Variants in CD99L2 observed in about 807,000 individuals in gnomAD.
The protein encoded by CD99L2 is CD99 antigen-like protein 2.
In CD99L2, 24 loss-of-function variants were observed where a neutral mutation model predicts 27.3. The ratio of observed to expected loss-of-function variants is 0.88; its 90% CI spans 0.64 to 1.24. CD99L2 has a LOEUF of 1.24. Ranked by LOEUF, CD99L2 falls within the 50% of genes most tolerant of loss-of-function variation. The pLI, the probability that CD99L2 is intolerant of heterozygous loss-of-function variation, is 0.00. For missense variants in CD99L2, 255 were observed against 221.6 expected, an observed-to-expected ratio of 1.15 and a Z score of -0.96; for synonymous variants, 97 against 87.9, an observed-to-expected ratio of 1.10 and a Z score of -0.58.
chrX:150,871,344 T>C, intron 1 of CD99L2, among the ~76,000 whole-genome samples: 1 of 111,136 alleles, frequency 9.0e-6, no homozygotes, highest in Non-Finnish European at 1.9e-5. Context: ...CCCTGGAAAA[T>C]ATCAGAAAAG....
At chrX:150,773,567 T>G (rs1272614747) in intron 9 of CD99L2, among the ~76,000 whole-genome samples, 2 of 112,464 alleles carry the variant, frequency 1.8e-5, no homozygotes, top group Non-Finnish European at 3.8e-5. Context: ...TAGTGAAGAA[T>G]GCCCCGCCCC....
intron 1 of CD99L2, among the ~76,000 whole-genome samples, chrX:150,834,317 C>A (rs1170997846): frequency 9.0e-6 from 1 of 111,371 alleles, no homozygotes; most frequent in Non-Finnish European, 1.9e-5. Flanking sequence ...CATGGTGAAA[C>A]CCCGTCTCTA....
intron 1 of CD99L2, among the ~76,000 whole-genome samples, chrX:150,892,061 A>G (rs1603326095): frequency 9.2e-6 from 1 of 109,286 alleles, no homozygotes; most frequent in East Asian, 2.9e-4. Context: ...CTCTACTAAA[A>G]ATACAAAAAA....
At chrX:150,834,258 C>G (rs1219479788) in intron 1 of CD99L2, among the ~76,000 whole-genome samples, 1 of 111,670 alleles carries the variant, frequency 9.0e-6, no homozygotes, top group Non-Finnish European at 1.9e-5. Flanking sequence ...CTTTGGGAGG[C>G]CAAGGCAGGC....
chrX:150,847,068 G>A (rs182696718), intron 1 of CD99L2, among the ~76,000 whole-genome samples: 1 of 112,278 alleles, frequency 8.9e-6, no homozygotes, highest in Non-Finnish European at 1.9e-5. Context: ...AAGGCGCTGA[G>A]CACGAGGCAC....
At position 150,809,663 on chromosome X, in the gene CD99L2, C is replaced by T. The variant is rs112098371; in HGVS notation, c.277+5199G>A. Among the ~76,000 whole-genome samples, 312 of 111,374 alleles carry T rather than the reference C, an allele frequency of 2.8e-3. 2 individuals carry two copies. Among genetic ancestry groups the T allele is most frequent in the African/African-American group, 9.7e-3 (297 of 30,672 alleles). ...ACAAAATGGTGAATGGACAAAAGAT[C>T]CATTCATAAGATAAAATAGTCCAAT... is the stretch of plus-strand genomic sequence containing the variant. On this transcript the variant is annotated intron_variant, in intron 4 of 10. Transcript: ENST00000370377.
At position 150,793,691 on chromosome X, in the gene CD99L2, C is replaced by T; in HGVS notation, c.496G>A (p.Gly166Ser). 1 of 1,193,144 alleles carries T rather than the reference C, an allele frequency of 8.4e-7. No individual in the cohort carries two copies. The highest frequency in any genetic ancestry group is 1.1e-6 in the Non-Finnish European group (1 of 886,588). ...TGTTGGCACAAATCAATGCTCCTAC[C>T]TTTACCCTTGTCAGGTTTGTATTCT... is the stretch of plus-strand genomic sequence containing the variant. ...GGEYKPDKGK[G>S]DGRYGSNDDP... The change falls in exon 7 of 11, where the codon GGT becomes AGT. Residue 166 changes from glycine to serine, a missense_variant and splice_region_variant. Physicochemically the swap from Gly to Ser is moderately conservative, Grantham distance 56. Coordinates refer to ENST00000370377, the MANE Select transcript of CD99L2 (RefSeq NM_031462.4).
intron 4 of CD99L2, among the ~76,000 whole-genome samples, chrX:150,808,712 T>G (rs2046031401): frequency 8.9e-6 from 1 of 111,937 alleles, no homozygotes; most frequent in Non-Finnish European, 1.9e-5. Context: ...TCTGAATTAC[T>G]CAAAAGGGAG....
chrX:150,890,526 A>C (rs1216111092), intron 1 of CD99L2, among the ~76,000 whole-genome samples: 5 of 112,103 alleles, frequency 4.5e-5, no homozygotes, highest in African/African-American at 1.6e-4. Flanking sequence ...GCTTTCAAAA[A>C]ACAAACCAAC....
intron 1 of CD99L2, among the ~76,000 whole-genome samples, chrX:150,832,821 G>A (rs372419062): frequency 4.4e-4 from 49 of 111,145 alleles, no homozygotes; most frequent in African/African-American, 1.3e-3. Flanking sequence ...AGGCCGAGGC[G>A]GGCAGATCAC....
chrX:150,881,748 C>T (rs1282300132), intron 1 of CD99L2, among the ~76,000 whole-genome samples: 1 of 111,616 alleles, frequency 9.0e-6, no homozygotes, highest in African/African-American at 3.3e-5. Flanking sequence ...AAGCCAGGCC[C>T]TTGGGGTACC....
intron 1 of CD99L2, among the ~76,000 whole-genome samples, chrX:150,831,999 C>T (rs1557421079): frequency 1.8e-5 from 2 of 111,955 alleles, no homozygotes; most frequent in Admixed American, 9.5e-5. Flanking sequence ...ATCATCTAGA[C>T]AGAAAATCAA....
At chrX:150,872,197 C>A (rs1458141434) in intron 1 of CD99L2, among the ~76,000 whole-genome samples, 2 of 110,729 alleles carry the variant, frequency 1.8e-5, no homozygotes, top group African/African-American at 6.6e-5. Flanking sequence ...TGCCACTGTA[C>A]TCTAGCCTGG....
rs1569565836 is a variant in CD99L2 at position 150,769,716 on chromosome X, G to GT, written c.721+587_721+588insA. Among the ~76,000 whole-genome samples the GT allele has an allele frequency of 5.7e-4, 61 of 106,519 alleles. 4 individuals carry two copies. The East Asian group carries it at 0.021, about 36-fold the overall frequency. 92.5% of individuals were successfully genotyped at this position (106,519 alleles called of 115,157 possible). ...CTCGGCTGCTCCCCGACCCCAGCAA[G>GT]CCTTTCCGGACCTCCTCATTGGCAT... On this transcript the variant is annotated intron_variant, in intron 10 of 10. Transcript: ENST00000370377.
chrX:150,839,878 TA>T (rs1191894660), intron 1 of CD99L2, among the ~76,000 whole-genome samples: 19 of 103,192 alleles, frequency 1.8e-4, no homozygotes, highest in Admixed American at 1.7e-3. Flanking sequence ...CTACTAAGAA[TA>T]AAAAAAAAAC....
chrX:150,797,125 C>CTTTT (rs2045809308), intron 4 of CD99L2, among the ~76,000 whole-genome samples: 1 of 109,923 alleles, frequency 9.1e-6, no homozygotes, highest in Non-Finnish European at 1.9e-5. Context: ...AAAACAAAAC[C>CTTTT]AAAGCAAGCA....
intron 4 of CD99L2, among the ~76,000 whole-genome samples, chrX:150,797,493 G>C (rs782253165): frequency 7.1e-5 from 8 of 112,283 alleles, no homozygotes; most frequent in Non-Finnish European, 1.5e-4. Context: ...AAATGGCAAT[G>C]CATACTATCT....
chrX:150,831,256 T>C lies in CD99L2; in HGVS notation c.105A>G (p.Ala35=). The C allele has an allele frequency of 4.1e-6, 5 of 1,206,278 alleles. No homozygotes were observed. Among genetic ancestry groups the C allele is most frequent in the Non-Finnish European group, 5.6e-6 (5 of 892,541 alleles). The part of the protein sequence containing the change: ...GDFDDFNLED[A]VKETSSVKQP... ...GCTTTACTGAGGAAGTTTCTTTCAC[T>C]GCATCCTCCAGGTTAAAATCATCAA... Residue 35 remains alanine, a synonymous_variant, in exon 2 of 11, where the codon GCA becomes GCG. Transcript: ENST00000370377.
intron 7 of CD99L2, among the ~76,000 whole-genome samples, chrX:150,779,438 G>C (rs1305243782): frequency 8.9e-6 from 1 of 112,386 alleles, no homozygotes; most frequent in Non-Finnish European, 1.9e-5. Flanking sequence ...ACTACTGTGA[G>C]GCTAAGAAAC....
Sources: allele counts gnomAD v4.1 joint callset (sites outside exome capture counted in the v4.1 genomes callset), GRCh38; gene constraint gnomAD v4.1.1; transcripts MANE v1.5; gene names NCBI Gene and HGNC (gene_info 2026-07-23, HGNC 2026-07-21).